The following ORC5 variants were observed in gnomAD, a reference collection of about 807,000 sequenced individuals.
ORC5 encodes origin recognition complex subunit 5.
In ORC5, 39 loss-of-function variants were observed where a neutral mutation model predicts 58.8. That is an observed-to-expected ratio of 0.66 (90% CI 0.51 to 0.87). ORC5 has a LOEUF of 0.87. Ranked by LOEUF, ORC5 falls within the 40% of genes least tolerant of loss-of-function variation. The pLI is 0.00. For missense variants in ORC5, 493 were observed against 506.3 expected (o/e 0.97, Z 0.25); for synonymous variants, 218 against 177.6 (o/e 1.23, Z -1.81).
chr7:104,174,704 A>G (rs7810496), intron 8 of ORC5, among the ~76,000 whole-genome samples: 15,425 of 152,226 alleles, frequency 0.1, 2,576 homozygotes, highest in African/African-American at 0.35. Context: ...GGTGATCAGC[A>G]GCTTTCCAAT....
intron 1 of ORC5, among the ~76,000 whole-genome samples, chr7:104,205,086 CTTTT>C (rs10672012): frequency 2.0e-5 from 2 of 99,424 alleles, no homozygotes; most frequent in Admixed American, 1.2e-4. Context: ...TAATAATACT[CTTTT>C]TTTTTTTTTT....
chr7:104,167,047 AACACTATT>A (rs1799119454), intron 9 of ORC5, among the ~76,000 whole-genome samples, 163 bp from the exon 10 acceptor site: 1 of 151,814 alleles, frequency 6.6e-6, no homozygotes, highest in Admixed American at 6.6e-5. Flanking sequence ...GGTGGTGATC[AACACTATT>A]ATTAATGACA....
intron 6 of ORC5, among the ~76,000 whole-genome samples, chr7:104,184,677 C>T (rs562385327): frequency 0.044 from 6,774 of 152,228 alleles, 490 homozygotes; most frequent in African/African-American, 0.15. Context: ...AGCACAAGAA[C>T]AGCCCTGAAA....
intron 12 of ORC5, among the ~76,000 whole-genome samples, chr7:104,149,628 A>G (rs1415530269): frequency 1.3e-5 from 2 of 152,188 alleles, no homozygotes; most frequent in Admixed American, 6.5e-5. Flanking sequence ...TTTTTCCTCA[A>G]AATAAAAATT....
intron 8 of ORC5, among the ~76,000 whole-genome samples, chr7:104,174,091 G>A (rs973667315): frequency 1.5e-4 from 23 of 151,884 alleles, no homozygotes; most frequent in Admixed American, 4.6e-4. Context: ...TGATCCGCCC[G>A]CCTCGGCCTC....
At chr7:104,207,743 T>A in intron 1 of ORC5, 90 bp downstream of exon 1, 3 of 1,304,678 alleles carry the variant, frequency 2.3e-6, no homozygotes, top group African/African-American at 2.9e-5. Context: ...TGGCCCTCAA[T>A]CCAAACACGA....
intron 1 of ORC5, among the ~76,000 whole-genome samples, chr7:104,205,689 T>C (rs1800062151): frequency 6.6e-6 from 1 of 152,202 alleles, no homozygotes; most frequent in African/African-American, 2.4e-5. Context: ...TTTTCTGAAG[T>C]TTATATGTAA....
At chr7:104,147,422 G>T (rs1056385103) in intron 12 of ORC5, among the ~76,000 whole-genome samples, 1 of 152,060 alleles carries the variant, frequency 6.6e-6, no homozygotes, top group Non-Finnish European at 1.5e-5. Context: ...TAAAAGTTCT[G>T]TTTTTATTTG....
At chr7:104,177,189 G>A (rs1443197592) in intron 8 of ORC5, among the ~76,000 whole-genome samples, 1 of 152,162 alleles carries the variant, frequency 6.6e-6, no homozygotes, top group Non-Finnish European at 1.5e-5. Context: ...AAATAAATTA[G>A]ATGAATGTAG....
At chr7:104,164,200 A>G (rs956335602) in intron 11 of ORC5, among the ~76,000 whole-genome samples, 5 of 152,152 alleles carry the variant, frequency 3.3e-5, no homozygotes, top group Non-Finnish European at 5.9e-5. Flanking sequence ...GGAGTGGATC[A>G]TTTGAGACCA....
At chr7:104,164,982 C>G (rs1023028746) in intron 11 of ORC5, among the ~76,000 whole-genome samples, 32 of 152,208 alleles carry the variant, frequency 2.1e-4, no homozygotes, top group Admixed American at 1.4e-3. Flanking sequence ...CTAAATAATC[C>G]AGGGTAAACT....
At chr7:104,204,377 C>T (rs1800023274) in intron 1 of ORC5, 143 bp from the exon 2 acceptor site, 1 of 593,560 alleles carries the variant, frequency 1.7e-6, no homozygotes, top group Non-Finnish European at 3.0e-6. Context: ...TGCATCAACA[C>T]ACTTTGAACC....
chr7:104,186,344 T>G (rs973651520), intron 6 of ORC5, among the ~76,000 whole-genome samples: 2 of 152,086 alleles, frequency 1.3e-5, no homozygotes, highest in Admixed American at 6.6e-5. Context: ...AGGGTTTGAG[T>G]GTGCTAGGAT....
chr7:104,130,296 C>A (rs976455583), intron 13 of ORC5, among the ~76,000 whole-genome samples: 2 of 152,190 alleles, frequency 1.3e-5, no homozygotes, highest in African/African-American at 4.8e-5. Flanking sequence ...CAGCTTCCTA[C>A]AGCTTCTCTG....
Position 104,133,662 on chromosome 7 carries a change from A to G in ORC5, c.1262+3119T>C, listed in dbSNP as rs1798546354. Among the ~76,000 whole-genome samples the G allele has an allele frequency of 6.6e-6, 1 of 152,180 alleles. No homozygotes were observed. On this transcript the variant is annotated intron_variant, in intron 13 of 13. Transcript: ENST00000297431. The surrounding 1 kb of genome is among the most constrained non-coding windows in gnomAD (Gnocchi z 4.7). The stretch of plus-strand genomic sequence containing the variant: ...ATACACAGATGATTGTTGAAGTCAC[A>G]GGTGTGGCTCAAGTTGCCTAGGGAA...
In ORC5 at chr7:104,139,728, T is replaced by C. The variant is rs369430801; in HGVS notation, c.1150-2835A>G. On this transcript the variant is annotated intron_variant, in intron 12 of 13. Coordinates refer to ENST00000297431, the MANE Select transcript of ORC5 (RefSeq NM_002553.4). ...CACCTTGAAATATCTTTTATAAATA[T>C]TGTGCGTTGAAAAGAATATGTATTT... 2.4e-4 allele frequency among the ~76,000 whole-genome samples: 36 copies of C among 152,170 alleles called. No individual in the cohort carries two copies. In the East Asian group the frequency reaches 5.8e-3, roughly 24 times the overall value.
chr7:104,205,084 C>CTATTTT (rs769195880), intron 1 of ORC5, among the ~76,000 whole-genome samples: 1 of 102,358 alleles, frequency 9.8e-6, no homozygotes, highest in African/African-American at 3.4e-5. Context: ...TTTAATAATA[C>CTATTTT]TCTTTTTTTT....
chr7:104,166,022 A>G (rs1398218263), intron 10 of ORC5, among the ~76,000 whole-genome samples: 2 of 145,700 alleles, frequency 1.4e-5, no homozygotes, highest in East Asian at 3.9e-4. Flanking sequence ...TGAGAGTGAC[A>G]CTCTGTCTCA....
At chr7:104,165,167 G>C (rs539241224) in intron 11 of ORC5, 68 bp downstream of exon 11, 7 of 761,416 alleles carry the variant, frequency 9.2e-6, no homozygotes, top group Non-Finnish European at 1.3e-5. Context: ...TACAATTACA[G>C]ATGTATCTAT....
Sources: allele counts gnomAD v4.1 joint callset (sites outside exome capture counted in the v4.1 genomes callset), GRCh38; gene constraint gnomAD v4.1.1; non-coding constraint Gnocchi (gnomAD v3.1); transcripts MANE v1.5; gene names NCBI Gene and HGNC (gene_info 2026-07-23, HGNC 2026-07-21).